Variants in FIG4 observed in about 807,000 individuals in gnomAD.
The protein encoded by FIG4 is polyphosphoinositide phosphatase.
FIG4 carries 112 observed loss-of-function variants against 118.6 expected under a neutral mutation model. That is an observed-to-expected ratio of 0.94 (90% confidence interval 0.81 to 1.11). The LOEUF (loss-of-function observed/expected upper bound fraction) is 1.11, where lower values mean the gene tolerates loss of function less well. Ranked by LOEUF, FIG4 falls within the 50% of genes least tolerant of loss-of-function variation. The probability of loss-of-function intolerance (pLI) is 0.00; values close to 1 mark genes in which losing one functional copy is unlikely to be tolerated. For synonymous variants in FIG4, 369 were observed against 381.2 expected (o/e 0.97, Z 0.37); for missense variants, 969 against 1,111.7 (o/e 0.87, Z 1.83).
intron 22 of FIG4, among the ~76,000 whole-genome samples, chr6:109,822,292 C>T (rs966205368): frequency 6.6e-6 from 1 of 151,962 alleles, no homozygotes; most frequent in Non-Finnish European, 1.5e-5. Context: ...GTTTGTTTAC[C>T]TGGGTGATGT....
intron 21 of FIG4, among the ~76,000 whole-genome samples, chr6:109,793,738 T>G (rs1393026002): frequency 6.6e-6 from 1 of 152,250 alleles, no homozygotes; most frequent in African/African-American, 2.4e-5. Context: ...TTAGATATTG[T>G]CAGCTTTTCA....
intron 22 of FIG4, among the ~76,000 whole-genome samples, chr6:109,821,977 T>C (rs2128402052): frequency 6.6e-6 from 1 of 152,134 alleles, no homozygotes; most frequent in Non-Finnish European, 1.5e-5. Context: ...GAGTTCGAGG[T>C]TGCAGTGAGC....
intron 3 of FIG4, among the ~76,000 whole-genome samples, chr6:109,718,742 G>C (rs572627663): frequency 6.6e-6 from 1 of 152,066 alleles, no homozygotes; most frequent in Non-Finnish European, 1.5e-5. Flanking sequence ...TATGTGTCAC[G>C]TGAGTTCATG....
chr6:109,776,936 G>C lies in FIG4; in HGVS notation c.1765G>C (p.Asp589His), dbSNP rs1777637029. 6.2e-7 allele frequency: 1 copy of C among 1,613,278 alleles called. No homozygotes were observed. The highest frequency in any genetic ancestry group is 1.3e-5 in the African/African-American group (1 of 75,014). The change falls in exon 16 of 23, where the codon GAT (aspartate) becomes CAT (histidine). Residue 589 changes from aspartate (D) to histidine (H), a missense_variant. Physicochemically the swap from Asp to His is moderately conservative, Grantham distance 81 (BLOSUM62 -1). Around this residue, in one of 3 missense-constraint regions of FIG4, gnomAD observed 246 missense variants for 354.3 expected, o/e 0.69. Coordinates refer to ENST00000230124, the MANE Select transcript of FIG4 (RefSeq NM_014845.6). The part of the protein sequence containing the change: ...SNAFSDADRQ[D>H]SINLFLGVFH... ...TTGCTTTTTAGATGCCGATAGACAA[G>C]ATTCCATTAATCTCTTCCTGGGAGT... is the stretch of plus-strand genomic sequence containing the variant.
intron 11 of FIG4, 27 bp from the exon 12 acceptor site, chr6:109,762,064 T>A: frequency 7.2e-7 from 1 of 1,396,684 alleles, no homozygotes; most frequent in Non-Finnish European, 1.0e-6. Context: ...GGCTTCTCAC[T>A]TTTCTCATTC....
At chr6:109,767,732 CGTG>C (rs1325472216) in intron 15 of FIG4, among the ~76,000 whole-genome samples, 1 of 152,056 alleles carries the variant, frequency 6.6e-6, no homozygotes, top group African/African-American at 2.4e-5. Flanking sequence ...ATTAGCCAGG[CGTG>C]GTGATGGGGG....
chr6:109,791,407 C>T lies in FIG4; in HGVS notation c.2212C>T (p.Gln738Ter), dbSNP rs774799167. ...AAGCAATAGAGAAGAAGCTGTATTA[C>T]AGCGGAAAACGGCAGCCAGCGCCCC... ...NKSNREEAVL[Q>*]RKTAASAPPP... Residue 738 changes from glutamine to a stop codon, truncating the protein, a stop_gained, in exon 20 of 23, where the codon CAG (glutamine) becomes TAG (stop). Coordinates refer to ENST00000230124, the MANE Select transcript of FIG4 (RefSeq NM_014845.6). LOFTEE classifies it high-confidence loss of function. 8.7e-6 allele frequency: 14 copies of T among 1,613,460 alleles called. No individual in the cohort carries two copies. Among genetic ancestry groups the T allele is most frequent in the Non-Finnish European group, 1.2e-5 (14 of 1,179,998 alleles).
intron 15 of FIG4, among the ~76,000 whole-genome samples, chr6:109,774,514 ATATC>A (rs1354358042): frequency 6.6e-6 from 1 of 152,058 alleles, no homozygotes; most frequent in African/African-American, 2.4e-5. Context: ...AGGGCTTAAA[ATATC>A]TATCTATATA....
intron 15 of FIG4, among the ~76,000 whole-genome samples, chr6:109,770,580 C>A (rs1777428247): frequency 6.6e-6 from 1 of 151,872 alleles, no homozygotes; most frequent in Non-Finnish European, 1.5e-5. Context: ...CATGATTTTG[C>A]AGGTTGTACA....
intron 10 of FIG4, among the ~76,000 whole-genome samples, chr6:109,758,617 T>C (rs947929876): frequency 1.3e-5 from 2 of 152,160 alleles, no homozygotes; most frequent in Non-Finnish European, 2.9e-5. Flanking sequence ...TAGGATCTGA[T>C]TAAACTAAAG....
At chr6:109,700,064 A>G (rs2128378121) in intron 1 of FIG4, among the ~76,000 whole-genome samples, 1 of 152,286 alleles carries the variant, frequency 6.6e-6, no homozygotes, top group South Asian at 2.1e-4. Context: ...ATCACTTCCA[A>G]AAAGTCCCAC....
intron 14 of FIG4, 32 bp downstream of exon 14, chr6:109,765,193 A>G: frequency 6.2e-7 from 1 of 1,600,706 alleles, no homozygotes; most frequent in Non-Finnish European, 8.6e-7. Flanking sequence ...TTGAATGCTG[A>G]TAATGGCAGA....
At chr6:109,771,682 A>G (rs994500884) in intron 15 of FIG4, among the ~76,000 whole-genome samples, 2 of 151,756 alleles carry the variant, frequency 1.3e-5, no homozygotes, top group Admixed American at 6.6e-5. Context: ...GTTAGCCAGG[A>G]CTTCCTCTAA....
chr6:109,753,861 G>A (rs975149224), intron 10 of FIG4, among the ~76,000 whole-genome samples: 7 of 152,240 alleles, frequency 4.6e-5, no homozygotes, highest in African/African-American at 1.7e-4. Context: ...GGGTTTTCTA[G>A]ATATACAATC....
intron 17 of FIG4, 60 bp from the exon 18 acceptor site, chr6:109,786,242 T>A: frequency 6.2e-6 from 9 of 1,444,792 alleles, no homozygotes; most frequent in Non-Finnish European, 8.7e-6. Flanking sequence ...GTTAATATTA[T>A]GGAAATGTTT....
chr6:109,730,266 T>C (rs1775956885), intron 4 of FIG4, among the ~76,000 whole-genome samples: 1 of 152,070 alleles, frequency 6.6e-6, no homozygotes, highest in South Asian at 2.1e-4. Context: ...CCAGGCAGGT[T>C]TTGAACTCCT....
intron 22 of FIG4, among the ~76,000 whole-genome samples, chr6:109,800,161 A>T (rs112073763): frequency 1.3e-5 from 2 of 152,182 alleles, no homozygotes; most frequent in Admixed American, 6.5e-5. Flanking sequence ...CCCACACAGG[A>T]TGGCTCCAGA....
rs147306462 is a variant in FIG4 at position 109,785,911 on chromosome 6, C to T, written c.1949-391C>T. On this transcript the variant is annotated intron_variant, in intron 17 of 22. Transcript: ENST00000230124. Reference sequence around the variant, plus strand: ...TCTGGGAGAAAGGAAAGGGTTTTAACTAACAGTGGCTATTAACAGAATTTG... The same window carrying T: ...TCTGGGAGAAAGGAAAGGGTTTTAATTAACAGTGGCTATTAACAGAATTTG... The T allele has an allele frequency of 4.4e-3, 1,388 of 312,080 alleles. 5 individuals are homozygous for T. Among genetic ancestry groups the T allele is most frequent in the Middle Eastern group, 8.7e-3 (8 of 916 alleles). The allele number at this position is 312,080 out of a possible 1,614,324, so 19.3% of individuals were successfully genotyped here.
intron 5 of FIG4, among the ~76,000 whole-genome samples, chr6:109,734,051 C>A (rs1362234892): frequency 1.3e-5 from 2 of 151,662 alleles, no homozygotes; most frequent in East Asian, 1.9e-4. Flanking sequence ...TAGCTTTTAT[C>A]CCTTTGAGAT....
Sources: allele counts gnomAD v4.1 joint callset (sites outside exome capture counted in the v4.1 genomes callset), GRCh38; gene constraint gnomAD v4.1.1; regional missense constraint gnomAD v4.1.1; transcripts MANE v1.5; gene names NCBI Gene and HGNC (gene_info 2026-07-23, HGNC 2026-07-21).